The following EGFR variants were observed in gnomAD, a reference collection of about 807,000 sequenced individuals.
EGFR encodes the protein avian erythroblastic leukemia viral (v-erb-b) oncogene homolog.
EGFR carries 58 observed loss-of-function variants against 143.0 expected under a neutral mutation model. The observed-to-expected ratio is 0.41, with a 90% CI of 0.33 to 0.50. The LOEUF is 0.50. EGFR is among the 20% of genes least tolerant of loss of function. The pLI is 0.39. For missense variants in EGFR, 1,307 were observed against 1,579.0 expected (o/e 0.83, Z 2.92); for synonymous variants, 613 against 594.4 (o/e 1.03, Z -0.45).
chr7:55,151,389 A>G (rs1203258447), intron 5 of EGFR, 27 bp downstream of exon 5: 1 of 1,612,092 alleles, frequency 6.2e-7, no homozygotes, highest in East Asian at 2.2e-5. Context: ...CCTCAGACCC[A>G]TGTGTGACCG....
intron 1 of EGFR, among the ~76,000 whole-genome samples, chr7:55,065,534 A>T (rs1395616597): frequency 1.3e-5 from 2 of 152,108 alleles, no homozygotes; most frequent in African/African-American, 2.4e-5. Flanking sequence ...AAAAACTGAC[A>T]GCCAGTTTCC....
intron 1 of EGFR, among the ~76,000 whole-genome samples, chr7:55,033,340 C>T (rs1273810012): frequency 1.3e-5 from 2 of 152,208 alleles, no homozygotes; most frequent in East Asian, 1.9e-4. Context: ...ACTTGTTAGC[C>T]TCTTGCTCCC....
At chr7:55,123,141 CTACCTAAT>C (rs1315885435) in intron 1 of EGFR, among the ~76,000 whole-genome samples, 1 of 152,186 alleles carries the variant, frequency 6.6e-6, no homozygotes, top group African/African-American at 2.4e-5. Flanking sequence ...TGAAAATCAT[CTACCTAAT>C]TACCTTTATT....
chr7:55,116,423 T>C (rs1792849123), intron 1 of EGFR, among the ~76,000 whole-genome samples: 1 of 152,218 alleles, frequency 6.6e-6, no homozygotes, highest in Non-Finnish European at 1.5e-5. Flanking sequence ...TCTAAAAACA[T>C]GAGTTCCTGA....
intron 19 of EGFR, chr7:55,180,864 T>C (rs1406513497): frequency 3.7e-6 from 1 of 268,794 alleles, no homozygotes; most frequent in Non-Finnish European, 7.2e-6. Flanking sequence ...GGGTCAGTCA[T>C]TACCCAGGGT....
At chr7:55,152,254 A>C in intron 5 of EGFR, 1 of 560,714 alleles carries the variant, frequency 1.8e-6, no homozygotes. Context: ...CCCAGCAGGT[A>C]TTTTTGTTCT....
chr7:55,139,152 A>G (rs533396637), intron 1 of EGFR, among the ~76,000 whole-genome samples: 47 of 152,348 alleles, frequency 3.1e-4, no homozygotes, highest in Non-Finnish European at 5.7e-4. Context: ...AAACCACAGC[A>G]GAGATCAACG....
intron 1 of EGFR, among the ~76,000 whole-genome samples, chr7:55,077,172 T>C (rs906398490): frequency 6.6e-6 from 1 of 152,166 alleles, no homozygotes; most frequent in African/African-American, 2.4e-5. Context: ...TTCGGTCAGA[T>C]CTTCATCCTT....
chr7:55,206,893 G>A lies in EGFR; in HGVS notation c.*1276G>A, dbSNP rs1788120954. 4.3e-6 allele frequency: 1 copy of A among 233,222 alleles called. No homozygotes were observed. Among genetic ancestry groups the A allele is most frequent in the East Asian group, 6.0e-5 (1 of 16,586 alleles). 14.4% of individuals were successfully genotyped at this position (233,222 alleles called of 1,614,324 possible). A position where few individuals can be genotyped will look rare whatever the true frequency, so the allele number is the denominator to read the frequency against. On this transcript the variant is annotated 3_prime_UTR_variant, in exon 28 of 28. Transcript: ENST00000275493. ...GCGAATGACAGTAGCATTATGAGTA[G>A]TGTGGAATTCAGGTAGTAAATATGA...
At chr7:55,189,587 G>A (rs1186419407) in intron 20 of EGFR, among the ~76,000 whole-genome samples, 1 of 152,214 alleles carries the variant, frequency 6.6e-6, no homozygotes, top group African/African-American at 2.4e-5. Context: ...TGGGCTTAAT[G>A]AATATGTAGA....
At chr7:55,200,667 G>T (rs535186723) in intron 24 of EGFR, 1 of 569,534 alleles carries the variant, frequency 1.8e-6, no homozygotes, top group Non-Finnish European at 3.2e-6. Flanking sequence ...CTCACTGTCC[G>T]GCTAGCCAAA....
intron 23 of EGFR, among the ~76,000 whole-genome samples, chr7:55,199,630 A>G (rs1288735153): frequency 6.6e-6 from 1 of 152,232 alleles, no homozygotes; most frequent in East Asian, 1.9e-4. Flanking sequence ...CTGTGGATGG[A>G]AAATAAATGT....
chr7:55,062,218 C>A (rs1457676900), intron 1 of EGFR, among the ~76,000 whole-genome samples: 1 of 152,228 alleles, frequency 6.6e-6, no homozygotes, highest in Non-Finnish European at 1.5e-5. Context: ...TCAAGACTTT[C>A]TAGAGAAGGA....
intron 6 of EGFR, among the ~76,000 whole-genome samples, chr7:55,153,531 C>T (rs1361277403): frequency 6.6e-6 from 1 of 152,188 alleles, no homozygotes; most frequent in Non-Finnish European, 1.5e-5. Context: ...GAAGACTGTG[C>T]GTGGGGTTGG....
chr7:55,108,173 G>A (rs1792249256), intron 1 of EGFR, among the ~76,000 whole-genome samples: 1 of 152,234 alleles, frequency 6.6e-6, no homozygotes, highest in African/African-American at 2.4e-5. Context: ...TGTCATGCAA[G>A]AGCCTAGAAA....
chr7:55,060,948 T>A (rs1191085136), intron 1 of EGFR, among the ~76,000 whole-genome samples: 1 of 152,180 alleles, frequency 6.6e-6, no homozygotes, highest in African/African-American at 2.4e-5. Context: ...ATGGCCAAGT[T>A]GACTACACTT....
At chr7:55,023,385 C>A (rs907031147) in intron 1 of EGFR, among the ~76,000 whole-genome samples, 5 of 152,114 alleles carry the variant, frequency 3.3e-5, no homozygotes, top group Admixed American at 2.0e-4. Context: ...CATGGTGGCT[C>A]ACCTCTATAA....
chr7:55,133,521 C>G (rs1793971767), intron 1 of EGFR, among the ~76,000 whole-genome samples: 1 of 152,208 alleles, frequency 6.6e-6, no homozygotes, highest in South Asian at 2.1e-4. Flanking sequence ...GCCGATTTTC[C>G]AGCAGTGATC....
At chr7:55,113,364 C>T (rs1792632820) in intron 1 of EGFR, among the ~76,000 whole-genome samples, 1 of 152,190 alleles carries the variant, frequency 6.6e-6, no homozygotes, top group Admixed American at 6.5e-5. Flanking sequence ...CAAAAATGTC[C>T]TATTCAAATC....
Sources: gnomAD v4.1 joint callset for allele counts (sites outside exome capture counted in the v4.1 genomes callset) on GRCh38, gnomAD v4.1.1 for gene constraint, MANE v1.5 for transcripts, NCBI Gene and HGNC (gene_info 2026-07-23, HGNC 2026-07-21) for gene names.